Variants in ERAP1 observed in about 807,000 individuals in gnomAD.
The protein encoded by ERAP1 is endoplasmic reticulum aminopeptidase 1.
A neutral mutation model predicts 103.7 loss-of-function variants in ERAP1; 86 were observed. The observed-to-expected ratio is 0.83, with a 90% CI of 0.70 to 0.99. ERAP1 has a LOEUF of 0.99. Among genes scored for constraint, ERAP1 ranks in the 50% least tolerant of loss-of-function variants. ERAP1 has a pLI of 0.00. For missense variants in ERAP1, 1,009 were observed against 1,128.4 expected (o/e 0.89, Z 1.52); for synonymous variants, 398 against 402.4 (o/e 0.99, Z 0.13).
chr5:96,889,066 G>A, the ERAP1 span: 7 of 1,186,974 alleles, frequency 5.9e-6, 1 homozygote, highest in Middle Eastern at 2.0e-4. Context: ...CATGCTTAAT[G>A]GTATCTTAAT....
At position 96,803,911 on chromosome 5, in the gene ERAP1, G is replaced by A. The variant is rs769767022; in HGVS notation, c.16C>T (p.Leu6Phe). 2 of 1,607,310 alleles carry A rather than the reference G, an allele frequency of 1.2e-6. No homozygotes were observed. The highest frequency in any genetic ancestry group is 8.5e-7 in the Non-Finnish European group (1 of 1,179,992). ...GACATGGTTGCAAGGGACCATTTGA[G>A]GGGCAGAAACACCATCTTCTTGCTC... MVFLP[L>F]KWSLATMSFL... The change falls in exon 2 of 19, where the codon CTC (leucine) becomes TTC (phenylalanine). Residue 6 changes from leucine (L) to phenylalanine (F), a missense_variant. Transcript: ENST00000443439.
At chr5:96,844,926 CAGAGA>C in the ERAP1 span, among the ~76,000 whole-genome samples, 11,135 of 152,142 alleles carry the variant, frequency 0.073, 504 homozygotes, top group African/African-American at 0.12. Flanking sequence ...CTTTGAGGAG[CAGAGA>C]AGAGTCAGGA....
chr5:96,836,166 C>A, the ERAP1 span, among the ~76,000 whole-genome samples: 5 of 147,790 alleles, frequency 3.4e-5, no homozygotes, highest in East Asian at 3.9e-4. Flanking sequence ...AGGGATTTTC[C>A]ACCTCTTTGG....
rs1339486760 is a variant in ERAP1 at position 96,785,780 on chromosome 5, T to C, written c.1943+8A>G. On this transcript the variant is annotated splice_region_variant and intron_variant, in intron 13 of 18. Coordinates refer to ENST00000443439, the MANE Select transcript of ERAP1 (RefSeq NM_001040458.3). ...AAATAAACCGCGACTTTGTGCAGCG[T>C]GTATTACCTGACGAGCTGAAATGCA... The C allele has an allele frequency of 1.2e-6, 2 of 1,613,860 alleles. No individual in the cohort carries two copies. The highest frequency in any genetic ancestry group is 1.7e-6 in the Non-Finnish European group (2 of 1,179,852).
intron 10 of ERAP1, among the ~76,000 whole-genome samples, chr5:96,789,112 A>AG (rs1286172420): frequency 2.0e-5 from 3 of 152,370 alleles, no homozygotes; most frequent in African/African-American, 7.2e-5. Context: ...GAGAACACAG[A>AG]GATGACCCAC....
chr5:96,915,652 T>A, the ERAP1 span: 2 of 1,313,504 alleles, frequency 1.5e-6, no homozygotes, highest in Non-Finnish European at 2.1e-6. Context: ...GGTCAGTATT[T>A]CTATGACTTT....
At chr5:96,773,390 A>C (rs892021905), downstream of ERAP1, 6 of 152,846 alleles carry the variant, frequency 3.9e-5, no homozygotes, top group African/African-American at 1.4e-4. Context: ...ATAAGAAATA[A>C]AATCTAATTA....
At chr5:96,840,279 C>T in the ERAP1 span, among the ~76,000 whole-genome samples, 1 of 152,208 alleles carries the variant, frequency 6.6e-6, no homozygotes, top group Non-Finnish European at 1.5e-5. Flanking sequence ...AAGTTAACTA[C>T]AGCCTTCTCT....
chr5:96,850,887 C>T, the ERAP1 span, among the ~76,000 whole-genome samples: 2 of 152,158 alleles, frequency 1.3e-5, no homozygotes, highest in Non-Finnish European at 2.9e-5. Context: ...TAGGCCACTG[C>T]TTTCACAACC....
chr5:96,827,456 G>A, the ERAP1 span, among the ~76,000 whole-genome samples: 1 of 152,180 alleles, frequency 6.6e-6, no homozygotes, highest in African/African-American at 2.4e-5. Flanking sequence ...GAACTCAAGA[G>A]TTCGTGAACA....
the ERAP1 span, among the ~76,000 whole-genome samples, chr5:96,905,944 AT>A: frequency 0.04 from 5,620 of 139,516 alleles, 186 homozygotes; most frequent in East Asian, 0.13. Flanking sequence ...TTTCTTTTTA[AT>A]TTTTTTTTTT....
the ERAP1 span, chr5:96,896,770 T>A: frequency 6.6e-7 from 1 of 1,511,188 alleles, no homozygotes; most frequent in Admixed American, 2.1e-5. Flanking sequence ...ATTTTCTGGG[T>A]GAGGAGAAAT....
the ERAP1 span, among the ~76,000 whole-genome samples, chr5:96,922,050 G>C: frequency 6.6e-6 from 1 of 152,202 alleles, no homozygotes; most frequent in Non-Finnish European, 1.5e-5. Flanking sequence ...TGTAATCCCA[G>C]CACTTTGGGA....
intron 18 of ERAP1, chr5:96,776,990 ATGT>A (rs1469811390): frequency 7.3e-6 from 1 of 137,282 alleles, no homozygotes; most frequent in South Asian, 1.8e-4. Flanking sequence ...CTGGCCTTGT[ATGT>A]TATTATAGAA....
At chr5:96,922,977 TTTTG>T in the ERAP1 span, among the ~76,000 whole-genome samples, 1 of 151,928 alleles carries the variant, frequency 6.6e-6, no homozygotes, top group African/African-American at 2.4e-5. Context: ...GTTTTTTGTT[TTTTG>T]TTTTTTGTTT....
At chr5:96,841,475 A>G in the ERAP1 span, among the ~76,000 whole-genome samples, 1 of 152,284 alleles carries the variant, frequency 6.6e-6, no homozygotes, top group Middle Eastern at 3.4e-3. Flanking sequence ...ACCATGACCA[A>G]TTTCAAGCTG....
chr5:96,916,538 A>G, the ERAP1 span, among the ~76,000 whole-genome samples: 2 of 133,620 alleles, frequency 1.5e-5, no homozygotes, highest in African/African-American at 5.8e-5. Context: ...ATCTCGGCTC[A>G]CTGCAAGCTC....
At chr5:96,794,219 GT>G (rs1473540754) in intron 5 of ERAP1, among the ~76,000 whole-genome samples, 1 of 109,484 alleles carries the variant, frequency 9.1e-6, no homozygotes, top group Admixed American at 1.4e-4. Context: ...GTCCCACTCT[GT>G]CACCCATACT....
chr5:96,834,058 T>G, the ERAP1 span, among the ~76,000 whole-genome samples: 270 of 152,338 alleles, frequency 1.8e-3, no homozygotes, highest in African/African-American at 6.3e-3. Context: ...ACACTTAAAA[T>G]GGTAGATATA....
Sources: allele counts gnomAD v4.1 joint callset (sites outside exome capture counted in the v4.1 genomes callset), GRCh38; gene constraint gnomAD v4.1.1; transcripts MANE v1.5; gene names NCBI Gene and HGNC (gene_info 2026-07-23, HGNC 2026-07-21).